The following PTPRD variants were observed in gnomAD, a reference collection of about 807,000 sequenced individuals.
The protein encoded by PTPRD is protein tyrosine phosphatase receptor type D, also known as receptor-type tyrosine-protein phosphatase delta.
PTPRD carries 34 observed loss-of-function variants against 214.5 expected under a neutral mutation model. That is an observed-to-expected ratio of 0.16 (90% CI 0.12 to 0.21). The LOEUF (loss-of-function observed/expected upper bound fraction) is 0.21. Among genes scored for constraint, PTPRD ranks in the 10% least tolerant of loss-of-function variants. The pLI is 1.00. For synonymous variants in PTPRD, 1,128 were observed against 845.7 expected (o/e 1.33, Z -5.79); for missense variants, 2,545 against 2,398.7 (o/e 1.06, Z -1.27).
Position 10,280,579 on chromosome 9 carries a change from T to C in PTPRD, c.-545+60384A>G, listed in dbSNP as rs187955383. On this transcript the variant is annotated intron_variant, in intron 3 of 45. Coordinates refer to ENST00000381196, the MANE Select transcript of PTPRD (RefSeq NM_002839.4). ...TGGGCTCCACTCCCAGAGTCTCTGA[T>C]TCAGTAAGTCTAGGATAAAACCTCA... 2.0e-5 allele frequency among the ~76,000 whole-genome samples: 3 copies of C among 152,254 alleles called. No homozygotes were observed. In the East Asian group the frequency reaches 5.8e-4, roughly 29 times the overall value.
chr9:9,562,487 G>C (rs2083233229), intron 8 of PTPRD, among the ~76,000 whole-genome samples: 1 of 152,054 alleles, frequency 6.6e-6, no homozygotes, highest in Non-Finnish European at 1.5e-5. Flanking sequence ...GCTTCTCACT[G>C]CTCTTAGTGT....
chr9:8,519,718 C>G (rs1472437501), intron 20 of PTPRD, among the ~76,000 whole-genome samples: 4 of 152,140 alleles, frequency 2.6e-5, no homozygotes, highest in Non-Finnish European at 5.9e-5. Context: ...TTCTCTTCAA[C>G]CTGTTCTTTT....
intron 2 of PTPRD, among the ~76,000 whole-genome samples, chr9:10,373,808 T>C (rs1011971656): frequency 3.3e-5 from 5 of 152,142 alleles, no homozygotes; most frequent in African/African-American, 7.2e-5. Flanking sequence ...TGTTTCAACA[T>C]GTCAACAATT....
chr9:9,061,741 C>T (rs1047602236), intron 10 of PTPRD, among the ~76,000 whole-genome samples: 2 of 152,130 alleles, frequency 1.3e-5, no homozygotes, highest in Admixed American at 1.3e-4. Flanking sequence ...TATTCTGTAT[C>T]CTACCGAGGG....
chr9:10,389,998 A>G (rs1249782144), intron 2 of PTPRD, among the ~76,000 whole-genome samples: 1 of 151,848 alleles, frequency 6.6e-6, no homozygotes, highest in Non-Finnish European at 1.5e-5. Flanking sequence ...CTGATAATTA[A>G]TGAGCTCAAG....
intron 11 of PTPRD, among the ~76,000 whole-genome samples, chr9:8,806,008 A>C (rs919564818): frequency 1.3e-5 from 2 of 150,142 alleles, no homozygotes; most frequent in Non-Finnish European, 3.0e-5. Flanking sequence ...AAAAAAAAAA[A>C]AAAAGAAAGA....
At chr9:10,471,741 T>C (rs1427573022) in intron 2 of PTPRD, among the ~76,000 whole-genome samples, 1 of 152,160 alleles carries the variant, frequency 6.6e-6, no homozygotes, top group African/African-American at 2.4e-5. Flanking sequence ...ATCGTTATAG[T>C]AATAAGTATA....
intron 2 of PTPRD, among the ~76,000 whole-genome samples, chr9:10,393,028 C>T (rs987420956): frequency 2.0e-5 from 3 of 151,764 alleles, no homozygotes; most frequent in Admixed American, 1.3e-4. Context: ...GAGCCATATT[C>T]TAGCTGTGTC....
At chr9:8,507,641 A>T (rs1190728719) in intron 21 of PTPRD, among the ~76,000 whole-genome samples, 3 of 152,180 alleles carry the variant, frequency 2.0e-5, no homozygotes, top group Non-Finnish European at 4.4e-5. Flanking sequence ...GTAGTAGAAC[A>T]TCTACACAAG....
intron 3 of PTPRD, among the ~76,000 whole-genome samples, chr9:10,210,488 G>C (rs932852501): frequency 2.6e-5 from 4 of 151,812 alleles, no homozygotes; most frequent in African/African-American, 9.7e-5. Context: ...ATATTTTGTA[G>C]CTCTTGGGGT....
intron 7 of PTPRD, among the ~76,000 whole-genome samples, chr9:9,721,003 A>C (rs1017170239): frequency 6.6e-6 from 1 of 152,090 alleles, no homozygotes; most frequent in Non-Finnish European, 1.5e-5. Context: ...TGGGAGGAGC[A>C]AGAAGGGTAC....
intron 11 of PTPRD, among the ~76,000 whole-genome samples, chr9:8,848,313 C>CTT (rs371491854): frequency 3.8e-4 from 51 of 132,658 alleles, no homozygotes; most frequent in African/African-American, 1.2e-3. Context: ...AAGATTTTTC[C>CTT]TTTTTTTTTT....
At chr9:10,128,347 C>T (rs1053074885) in intron 3 of PTPRD, among the ~76,000 whole-genome samples, 1 of 152,040 alleles carries the variant, frequency 6.6e-6, no homozygotes, top group African/African-American at 2.4e-5. Context: ...TGACTGGTGC[C>T]CTTATAAAAA....
chr9:8,819,179 C>T (rs963638922), intron 11 of PTPRD, among the ~76,000 whole-genome samples: 2 of 152,106 alleles, frequency 1.3e-5, no homozygotes, highest in African/African-American at 4.8e-5. Flanking sequence ...TACTCTGTGT[C>T]TTGAGTATTC....
intron 2 of PTPRD, among the ~76,000 whole-genome samples, chr9:10,451,071 GT>G (rs1351873433): frequency 6.6e-6 from 1 of 151,926 alleles, no homozygotes; most frequent in African/African-American, 2.4e-5. Flanking sequence ...GCATTTTTAT[GT>G]TTTTAGTCCA....
chr9:9,128,228 A>G (rs2099837088), intron 10 of PTPRD, among the ~76,000 whole-genome samples: 1 of 152,204 alleles, frequency 6.6e-6, no homozygotes, highest in South Asian at 2.1e-4. Context: ...TACCATTGTT[A>G]ATAGGTCTTT....
At chr9:9,632,343 A>G (rs1370366667) in intron 7 of PTPRD, among the ~76,000 whole-genome samples, 2 of 150,204 alleles carry the variant, frequency 1.3e-5, no homozygotes, top group African/African-American at 5.0e-5. Context: ...TTCCATTTAC[A>G]TGAAATGTCC....
At chr9:9,631,285 T>C (rs2095585438) in intron 7 of PTPRD, among the ~76,000 whole-genome samples, 1 of 151,196 alleles carries the variant, frequency 6.6e-6, no homozygotes, top group Non-Finnish European at 1.5e-5. Flanking sequence ...ACTCTAATGT[T>C]ACTCCTAGGT....
intron 10 of PTPRD, among the ~76,000 whole-genome samples, chr9:9,092,904 A>G (rs1253988206): frequency 6.6e-6 from 1 of 152,022 alleles, no homozygotes; most frequent in Non-Finnish European, 1.5e-5. Context: ...ATTTTACTTA[A>G]AAAAACCCAA....
Sources: gnomAD v4.1 joint callset for allele counts (sites outside exome capture counted in the v4.1 genomes callset) on GRCh38, gnomAD v4.1.1 for gene constraint, MANE v1.5 for transcripts, NCBI Gene and HGNC (gene_info 2026-07-23, HGNC 2026-07-21) for gene names.